Variants in COL6A1 observed in about 807,000 individuals in gnomAD.
COL6A1 encodes collagen alpha-1(VI) chain.
COL6A1 carries 80 observed loss-of-function variants against 145.6 expected under a neutral mutation model. The ratio of observed to expected loss-of-function variants is 0.55; its 90% CI spans 0.46 to 0.66. COL6A1 has a LOEUF of 0.66. Ranked by LOEUF, COL6A1 falls within the 30% of genes least tolerant of loss-of-function variation. COL6A1 has a pLI of 0.00. For missense variants in COL6A1, 1,364 were observed against 1,473.8 expected (o/e 0.93, Z 1.22); for synonymous variants, 638 against 622.8 (o/e 1.02, Z -0.36).
Position 45,981,924 on chromosome 21 carries a change from C to A in COL6A1, c.74C>A (p.Thr25Asn), listed in dbSNP as rs767205402. The A allele has an allele frequency of 2.5e-6, 4 of 1,607,500 alleles. No individual in the cohort carries two copies. In the Admixed American group the frequency reaches 6.7e-5, roughly 27 times the overall value. Residue 25 changes from threonine (T) to asparagine (N), a missense_variant, in exon 1 of 35, where the codon ACC becomes AAC. Thr to Asn is a moderately conservative substitution (Grantham distance 65, BLOSUM62 0). This residue lies in a region of COL6A1 where 414 missense variants were observed against 437.6 expected (regional missense o/e 0.95). Transcript: ENST00000361866. ...CWTAAQDEPE[T>N]PRAVAFQDCP... is the part of the protein sequence containing the mutation. Reference sequence around the variant, plus strand: ...ACAGCCGCGCAGGATGAGCCGGAGACCCCGAGGGCCGTGGCCTTCCAGGGT... The same window carrying A: ...ACAGCCGCGCAGGATGAGCCGGAGAACCCGAGGGCCGTGGCCTTCCAGGGT...
At chr21:45,990,734 C>T in intron 13 of COL6A1, 39 bp from the exon 14 acceptor site, 1 of 1,594,462 alleles carries the variant, frequency 6.3e-7, no homozygotes, top group Non-Finnish European at 8.6e-7. Context: ...AGTTTACCCA[C>T]TTGGCCGTCA....
chr21:45,999,935 T>TG (rs112799154), intron 27 of COL6A1, among the ~76,000 whole-genome samples: 5 of 5,858 alleles, frequency 8.5e-4, no homozygotes, highest in African/African-American at 1.3e-3. Context: ...GTGAGGATCA[T>TG]GGGGGGGACG....
In COL6A1 at chr21:45,981,809, C is replaced by G; in HGVS notation, c.-42C>G. 2 of 1,504,740 alleles carry G rather than the reference C, an allele frequency of 1.3e-6. No homozygotes were observed. Among genetic ancestry groups the G allele is most frequent in the Non-Finnish European group, 1.8e-6 (2 of 1,112,446 alleles). The allele number at this position is 1,504,740 out of a possible 1,614,324, so 93.2% of individuals were successfully genotyped here. A position where few individuals can be genotyped will look rare whatever the true frequency, so the allele number is the denominator to read the frequency against. ...GTCTCTGGGCGGCGGCGGCGGCCCA[C>G]TCTGCCCTGGCCGCGCTGTGTGGTG... On this transcript the variant is annotated 5_prime_UTR_variant, in exon 1 of 35. Transcript: ENST00000361866.
chr21:45,999,901 A>ACATGTGAGGATCATGGAGGG (rs1569518878), intron 27 of COL6A1, among the ~76,000 whole-genome samples: 16 of 27,564 alleles, frequency 5.8e-4, no homozygotes, highest in African/African-American at 1.0e-3. Flanking sequence ...CATAGAGGGG[A>ACATGTGAGGATCATGGAGGG]CATGTGAGGA....
Position 46,002,396 on chromosome 21 carries a change from A to G in COL6A1, c.2245A>G (p.Ile749Val), listed in dbSNP as rs1403497024. Residue 749 changes from isoleucine (I) to valine (V), a missense_variant, in exon 32 of 35, where the codon ATC becomes GTC. This residue lies in a region of COL6A1 where 938 missense variants were observed against 1,003.8 expected (regional missense o/e 0.93). Transcript: ENST00000361866. ...GCTCAACGTGCTCTGCAGCCCCGGC[A>G]TCCAGGTGGGGTGGCCACCCCCAGG... ...TPLNVLCSPG[I>V]QVVSVGIKDV... 1 of 1,604,014 alleles carries G rather than the reference A, an allele frequency of 6.2e-7. No homozygotes were observed. The highest frequency in any genetic ancestry group is 2.2e-5 in the East Asian group (1 of 44,468).
At chr21:45,997,397 C>A (rs367871088) in intron 20 of COL6A1, 24 bp from the exon 21 acceptor site, 2 of 1,611,154 alleles carry the variant, frequency 1.2e-6, no homozygotes, top group African/African-American at 2.7e-5. Context: ...TGTGGTCCAA[C>A]GTGCCATATC....
At chr21:45,987,545 C>T (rs986348956) in intron 7 of COL6A1, 26 bp downstream of exon 7, 11 of 1,612,812 alleles carry the variant, frequency 6.8e-6, no homozygotes, top group Non-Finnish European at 9.3e-6. Context: ...GACCCCTGAC[C>T]CCGCGCCCTG....
rs577833911 is a variant in COL6A1, at chr21:45,995,318, C to G, written c.1398+1089C>G. ...CTCTTTGCTCTTTGAGCTCCCGGGGCTCCAGCCCTGAGGATGATCTGACCT... is the reference window on the plus strand; with the variant it reads ...CTCTTTGCTCTTTGAGCTCCCGGGGGTCCAGCCCTGAGGATGATCTGACCT... On this transcript the variant is annotated intron_variant, in intron 20 of 34. Coordinates refer to ENST00000361866, the MANE Select transcript of COL6A1 (RefSeq NM_001848.3). 2.6e-5 allele frequency among the ~76,000 whole-genome samples: 4 copies of G among 152,360 alleles called. No individual in the cohort carries two copies. In the South Asian group the frequency reaches 8.3e-4, roughly 32 times the overall value.
At chr21:45,998,275 G>T in intron 23 of COL6A1, 104 bp downstream of exon 23, 1 of 1,576,276 alleles carries the variant, frequency 6.3e-7, no homozygotes, top group Non-Finnish European at 8.6e-7. Flanking sequence ...CCCCAGGACC[G>T]CCGGCTGGCC....
At chr21:45,988,955 T>C (rs1238535317) in intron 8 of COL6A1, 129 bp from the exon 9 acceptor site, 1 of 1,062,348 alleles carries the variant, frequency 9.4e-7, no homozygotes, top group Non-Finnish European at 1.4e-6. Flanking sequence ...CCAGATGTGA[T>C]GGGGAAGGTG....
intron 26 of COL6A1, 195 bp from the exon 27 acceptor site, chr21:45,999,462 C>A: frequency 1.3e-6 from 1 of 758,192 alleles, no homozygotes; most frequent in Non-Finnish European, 2.2e-6. Flanking sequence ...CTGGGATGGC[C>A]GCCTGGACCA....
In COL6A1 at chr21:45,992,776, G is replaced by A. The variant is rs778314985; in HGVS notation, c.1301G>A (p.Gly434Glu). The A allele has an allele frequency of 6.2e-7, 1 of 1,601,610 alleles. No individual in the cohort carries two copies. The highest frequency in any genetic ancestry group is 8.5e-7 in the Non-Finnish European group (1 of 1,174,880). Residue 434 changes from glycine (G) to glutamate (E), a missense_variant, in exon 19 of 35, where the codon GGG becomes GAG. Gly to Glu is a moderately conservative substitution (Grantham distance 98). Coordinates refer to ENST00000361866, the MANE Select transcript of COL6A1 (RefSeq NM_001848.3). ...RGGPGERGPRGTPGTRGPRGD... is the reference protein window; with the variant it reads ...RGGPGERGPRETPGTRGPRGD... ...GGCCCTGGAGAGAGAGGACCACGGG[G>A]GACCCCAGGCACGCGGGGACCAAGA...
At chr21:45,987,555 G>A in intron 7 of COL6A1, 36 bp downstream of exon 7, 1 of 1,612,702 alleles carries the variant, frequency 6.2e-7, no homozygotes. Flanking sequence ...CCCGCGCCCT[G>A]CACCCTGGGA....
rs1569518656 is a variant in COL6A1 at position 45,997,434 on chromosome 21, C to T, written c.1412C>T (p.Pro471Leu). ...ATCTCTCTACAGGGCGAGGCTGGCC[C>T]TATCGGACCTAAAGGCTACCGAGGC... ...GVPGDPGEAG[P>L]IGPKGYRGDE... Residue 471 changes from proline to leucine, a missense_variant, in exon 21 of 35, where the codon CCT becomes CTT. By Grantham distance (98) the Pro-to-Leu change is moderately conservative. Coordinates refer to ENST00000361866, the MANE Select transcript of COL6A1 (RefSeq NM_001848.3). The T allele has an allele frequency of 2.5e-6, 4 of 1,612,928 alleles. No homozygotes were observed. The highest frequency in any genetic ancestry group is 3.4e-6 in the Non-Finnish European group (4 of 1,179,892).
rs1303122202 is a variant in COL6A1 at position 46,002,011 on chromosome 21, G to T, written c.2007G>T (p.Gln669His). ...YAGVVQYSHS[Q>H]MQEHVSLRSP... Reference sequence around the variant, plus strand: ...GTGTGGTGCAGTACAGCCACAGCCAGATGCAGGAGCACGTGAGCCTGCGCA... The same window carrying T: ...GTGTGGTGCAGTACAGCCACAGCCATATGCAGGAGCACGTGAGCCTGCGCA... The change falls in exon 31 of 35, where the codon CAG becomes CAT. Residue 669 changes from glutamine to histidine, a missense_variant. Physicochemically the swap from Gln to His is conservative, Grantham distance 24 (BLOSUM62 0). Transcript: ENST00000361866. The T allele has an allele frequency of 6.2e-7, 1 of 1,612,774 alleles. No homozygotes were observed. Among genetic ancestry groups the T allele is most frequent in the Non-Finnish European group, 8.5e-7 (1 of 1,179,896 alleles).
At chr21:45,995,939 C>A (rs1406890538) in intron 20 of COL6A1, among the ~76,000 whole-genome samples, 1 of 152,216 alleles carries the variant, frequency 6.6e-6, no homozygotes, top group Admixed American at 6.5e-5. Flanking sequence ...TCCGGGCTTT[C>A]CCTGCTCCCA....
chr21:45,992,408 G>T lies in COL6A1; in HGVS notation c.1272+10G>T, dbSNP rs767216023. ...TGCCCCCGGGGAGCGGGTGAGTGGG[G>T]CAGGGGCAGCCTGCGCTGTTGGCCT... On this transcript the variant is annotated intron_variant, in intron 18 of 34. Transcript: ENST00000361866. 1 of 1,612,212 alleles carries T rather than the reference G, an allele frequency of 6.2e-7. No homozygotes were observed. The highest frequency in any genetic ancestry group is 1.1e-5 in the South Asian group (1 of 90,798).
Position 46,004,459 on chromosome 21 carries a change from C to A in COL6A1, c.*446C>A, listed in dbSNP as rs2077869843. ...CCCACCAGCCTGAGCAAGACGCCCT[C>A]TCGGGGCCTGTGCCGCACTAGCCTC... On this transcript the variant is annotated 3_prime_UTR_variant, in exon 35 of 35. Transcript: ENST00000361866. 3.1e-6 allele frequency: 1 copy of A among 319,688 alleles called. No homozygotes were observed. The highest frequency in any genetic ancestry group is 2.6e-5 in the South Asian group (1 of 38,220). The allele number at this position is 319,688 out of a possible 1,614,324, so 19.8% of individuals were successfully genotyped here.
At position 45,990,248 on chromosome 21, in the gene COL6A1, G is replaced by C. The variant is rs368304728; in HGVS notation, c.931-10G>C. The C allele has an allele frequency of 6.2e-7, 1 of 1,612,782 alleles. No individual in the cohort carries two copies. Among genetic ancestry groups the C allele is most frequent in the Non-Finnish European group, 8.5e-7 (1 of 1,179,986 alleles). ...AAATACCCCCTCACACCCGCTTCCT[G>C]TCTCCGCAGGGCTCCAGGGGACCCA... On this transcript the variant is annotated splice_polypyrimidine_tract_variant and intron_variant, in intron 11 of 34. Coordinates refer to ENST00000361866, the MANE Select transcript of COL6A1 (RefSeq NM_001848.3).
Sources: allele counts gnomAD v4.1 joint callset (sites outside exome capture counted in the v4.1 genomes callset), GRCh38; gene constraint gnomAD v4.1.1; regional missense constraint gnomAD v4.1.1; transcripts MANE v1.5; gene names NCBI Gene and HGNC (gene_info 2026-07-23, HGNC 2026-07-21).